The following IQCM variants were observed in gnomAD, a reference collection of about 807,000 sequenced individuals.
IQCM encodes the protein IQ domain-containing protein M.
A neutral mutation model predicts 57.6 loss-of-function variants in IQCM; 45 were observed. The observed-to-expected ratio is 0.78, with a 90% CI of 0.62 to 1.00. IQCM has a LOEUF of 1.00. Ranked by LOEUF, IQCM falls within the 50% of genes least tolerant of loss-of-function variation. The pLI is 0.00. For synonymous variants in IQCM, 148 were observed against 158.9 expected (o/e 0.93, Z 0.51); for missense variants, 468 against 511.6 (o/e 0.91, Z 0.82).
At chr4:149,419,710 CA>C (rs1280226723) in intron 13 of IQCM, among the ~76,000 whole-genome samples, 5 of 152,052 alleles carry the variant, frequency 3.3e-5, no homozygotes, top group Non-Finnish European at 7.4e-5. Context: ...AGGCAACCTA[CA>C]AAGTGGGTGA....
intron 13 of IQCM, among the ~76,000 whole-genome samples, chr4:149,380,952 C>T (rs201711458): frequency 1.3e-5 from 2 of 152,118 alleles, no homozygotes; most frequent in Non-Finnish European, 2.9e-5. Context: ...ATTTAATTGA[C>T]CTCTTGCAAT....
In IQCM at chr4:149,433,573, A is replaced by G. The variant is rs1735068633; in HGVS notation, c.1229-16T>C. 2.0e-6 allele frequency: 2 copies of G among 1,012,432 alleles called. No homozygotes were observed. Among genetic ancestry groups the G allele is most frequent in the Non-Finnish European group, 2.5e-6 (2 of 788,470 alleles). 62.7% of individuals were successfully genotyped at this position (1,012,432 alleles called of 1,614,324 possible). ...TCTTTGCCATCTATAAAGAAAAGAT[A>G]AAATATATAAAATTTTAGACATTTT... On this transcript the variant is annotated splice_polypyrimidine_tract_variant and intron_variant, in intron 12 of 13. Coordinates refer to ENST00000636793, the MANE Select transcript of IQCM (RefSeq NM_001363507.2).
At chr4:149,660,977 T>TATA (rs1354727731) in intron 7 of IQCM, among the ~76,000 whole-genome samples, 7 of 151,736 alleles carry the variant, frequency 4.6e-5, no homozygotes, top group Non-Finnish European at 1.0e-4. Context: ...AAACTTAAAG[T>TATA]ATAATAATAA....
intron 7 of IQCM, among the ~76,000 whole-genome samples, chr4:149,635,714 T>A (rs913689719): frequency 1.3e-5 from 2 of 152,122 alleles, no homozygotes; most frequent in Admixed American, 1.3e-4. Flanking sequence ...AAAACGAGAA[T>A]TACCTCTCCA....
chr4:149,412,448 C>T (rs556379625), intron 13 of IQCM, among the ~76,000 whole-genome samples: 1 of 152,240 alleles, frequency 6.6e-6, no homozygotes, highest in South Asian at 2.1e-4. Context: ...TGTGCACTGA[C>T]CAAATTTCAA....
At position 149,534,292 on chromosome 4, in the gene IQCM, GC is replaced by G. The variant is rs1215326884; in HGVS notation, c.1228+14162del. Among the ~76,000 whole-genome samples the G allele has an allele frequency of 1.1e-4, 16 of 152,186 alleles. No homozygotes were observed. The South Asian group carries it at 3.1e-3, about 30-fold the overall frequency. ...ATTGTAGGTGTACATTCAATTTTGT[GC>G]CTTTTTTGATTAGTATTATGAATTA... is the stretch of plus-strand genomic sequence containing the variant. On this transcript the variant is annotated intron_variant, in intron 12 of 13. Transcript: ENST00000636793.
chr4:149,558,659 T>C (rs1009759219), intron 10 of IQCM, among the ~76,000 whole-genome samples: 1 of 152,106 alleles, frequency 6.6e-6, no homozygotes, highest in Non-Finnish European at 1.5e-5. Context: ...TTCGATAATA[T>C]GACAATGAGC....
chr4:149,677,076 A>G (rs1303930087), intron 7 of IQCM, among the ~76,000 whole-genome samples: 2 of 151,944 alleles, frequency 1.3e-5, no homozygotes, highest in East Asian at 3.9e-4. Context: ...TGCAAAAAAT[A>G]CTCCCCAAAA....
intron 13 of IQCM, among the ~76,000 whole-genome samples, chr4:149,397,054 T>C (rs1467169775): frequency 1.3e-5 from 2 of 152,030 alleles, no homozygotes; most frequent in Admixed American, 6.6e-5. Flanking sequence ...CTTTTGGTTA[T>C]ATACCTAGAA....
At chr4:149,481,701 GTT>G (rs57465501) in intron 12 of IQCM, among the ~76,000 whole-genome samples, 28 of 51,560 alleles carry the variant, frequency 5.4e-4, no homozygotes, top group South Asian at 1.2e-3. Flanking sequence ...TTCCAGTTTT[GTT>G]TTTTTTTTTT....
chr4:149,526,988 A>G (rs1243566843), intron 12 of IQCM, among the ~76,000 whole-genome samples: 2 of 152,172 alleles, frequency 1.3e-5, no homozygotes, highest in African/African-American at 4.8e-5. Flanking sequence ...TTTACAGGAC[A>G]TTTACAGATC....
intron 12 of IQCM, among the ~76,000 whole-genome samples, chr4:149,497,519 G>T (rs1052369533): frequency 3.9e-5 from 6 of 151,918 alleles, no homozygotes; most frequent in African/African-American, 1.5e-4. Flanking sequence ...AGCTTGTGCA[G>T]GGAAACTCCC....
chr4:149,624,950 T>C (rs1309092875), intron 7 of IQCM, among the ~76,000 whole-genome samples: 1 of 152,218 alleles, frequency 6.6e-6, no homozygotes, highest in Non-Finnish European at 1.5e-5. Flanking sequence ...CTGTTTCCCT[T>C]TTATCAATTC....
At chr4:149,376,921 A>G (rs776698979) in intron 13 of IQCM, among the ~76,000 whole-genome samples, 31 of 152,270 alleles carry the variant, frequency 2.0e-4, no homozygotes, top group East Asian at 5.8e-4. Flanking sequence ...AGGAAAAATC[A>G]GTAGGGTAAA....
chr4:149,697,516 C>G (rs147929527), intron 5 of IQCM, among the ~76,000 whole-genome samples: 42 of 152,000 alleles, frequency 2.8e-4, no homozygotes, highest in African/African-American at 9.6e-4. Flanking sequence ...ATATTTATAC[C>G]CTGGGAGTCA....
chr4:149,372,833 T>C (rs756767222), intron 13 of IQCM, among the ~76,000 whole-genome samples: 13 of 152,160 alleles, frequency 8.5e-5, no homozygotes, highest in Non-Finnish European at 1.8e-4. Flanking sequence ...TGTTACATCC[T>C]AGAATTTTTA....
At chr4:149,595,277 C>A (rs1038890615) in intron 8 of IQCM, among the ~76,000 whole-genome samples, 9 of 151,976 alleles carry the variant, frequency 5.9e-5, no homozygotes, top group Non-Finnish European at 1.2e-4. Context: ...AGGATTGCAA[C>A]CCCTGCTTTT....
intron 13 of IQCM, among the ~76,000 whole-genome samples, chr4:149,371,677 C>T (rs966213131): frequency 6.6e-6 from 1 of 152,156 alleles, no homozygotes; most frequent in African/African-American, 2.4e-5. Flanking sequence ...GAAATATGAC[C>T]TAACTGTCCC....
chr4:149,462,034 T>A (rs528957079), intron 12 of IQCM, among the ~76,000 whole-genome samples: 1 of 152,288 alleles, frequency 6.6e-6, no homozygotes, highest in African/African-American at 2.4e-5. Context: ...ATGTATTACA[T>A]ATATGTTATT....
Sources: gnomAD v4.1 joint callset for allele counts (sites outside exome capture counted in the v4.1 genomes callset) on GRCh38, gnomAD v4.1.1 for gene constraint, MANE v1.5 for transcripts, NCBI Gene and HGNC (gene_info 2026-07-23, HGNC 2026-07-21) for gene names.